Variants in C4orf50 observed in about 807,000 individuals in gnomAD.
C4orf50 encodes uncharacterized protein C4orf50.
C4orf50 carries 80 observed loss-of-function variants against 77.2 expected under a neutral mutation model. That is an observed-to-expected ratio of 1.04 (90% CI 0.87 to 1.25). C4orf50 has a LOEUF of 1.25. C4orf50 is among the 50% of genes most tolerant of loss of function. C4orf50 has a pLI of 0.00. For missense variants in C4orf50, 1,257 were observed against 1,152.9 expected (o/e 1.09, Z -1.31); for synonymous variants, 532 against 465.3 (o/e 1.14, Z -1.84).
At chr4:5,973,035 C>T (rs1720024292) in intron 31 of C4orf50, among the ~76,000 whole-genome samples, 1 of 152,238 alleles carries the variant, frequency 6.6e-6, no homozygotes, top group Non-Finnish European at 1.5e-5. Flanking sequence ...ATTCAACCAA[C>T]ATTCTTCCAG....
exon 28 of C4orf50, chr4:5,989,937 C>T (rs1721158682): frequency 7.0e-7 from 1 of 1,425,884 alleles, no homozygotes; most frequent in Non-Finnish European, 9.1e-7. Context: ...GGTTTTCCTC[C>T]TTGCCCCTAG....
intron 7 of C4orf50, among the ~76,000 whole-genome samples, chr4:5,941,772 A>C (rs1052755894): frequency 6.6e-6 from 1 of 151,964 alleles, no homozygotes; most frequent in African/African-American, 2.4e-5. Flanking sequence ...AAACTCACTC[A>C]AGGTCACACA....
intron 25 of C4orf50, among the ~76,000 whole-genome samples, chr4:6,003,836 GTGATAGTGA>G (rs1721986866): frequency 4.8e-4 from 2 of 4,178 alleles, no homozygotes; most frequent in Non-Finnish European, 9.3e-4. Context: ...TGGTGATGAT[GTGATAGTGA>G]TGATGGTGAT....
chr4:5,962,642 C>T (rs1407832953), intron 33 of C4orf50, among the ~76,000 whole-genome samples: 2 of 152,220 alleles, frequency 1.3e-5, no homozygotes, highest in Non-Finnish European at 2.9e-5. Flanking sequence ...GCTCCGGAGC[C>T]AGGTGCCCCT....
intron 25 of C4orf50, among the ~76,000 whole-genome samples, chr4:6,002,042 C>T (rs1192088908): frequency 2.6e-5 from 4 of 152,172 alleles, no homozygotes; most frequent in African/African-American, 9.7e-5. Context: ...ATTGTGCCTT[C>T]CCAAAAGAAA....
chr4:5,939,420 CCTT>C lies in C4orf50; in HGVS notation c.*2474+17478_*2474+17480del, dbSNP rs559822960. On this transcript the variant is annotated intron_variant, in intron 7 of 7. Coordinates refer to the C4orf50 transcript ENST00000324058. ...ATGGTCTCCCTAAACTACAAGAAGT[CCTT>C]CTCTATTTGAAACTCCCCCTTGGCT... 1.7e-3 allele frequency among the ~76,000 whole-genome samples: 258 copies of C among 152,248 alleles called. 1 individual carries two copies. Among genetic ancestry groups the C allele is most frequent in the African/African-American group, 6.0e-3 (250 of 41,556 alleles).
intron 32 of C4orf50, among the ~76,000 whole-genome samples, chr4:5,966,007 C>G (rs1383763564): frequency 1.3e-5 from 2 of 152,220 alleles, no homozygotes; most frequent in African/African-American, 4.8e-5. Flanking sequence ...CCAAACACAA[C>G]ACTAAACAGA....
chr4:5,990,129 G>A (rs1577973552), exon 28 of C4orf50: 32 of 1,269,892 alleles, frequency 2.5e-5, no homozygotes, highest in East Asian at 1.2e-4. Flanking sequence ...TCAGGGATTC[G>A]GGACCCTCCT....
At chr4:5,947,525 G>A (rs1291006817) in intron 7 of C4orf50, among the ~76,000 whole-genome samples, 2 of 152,100 alleles carry the variant, frequency 1.3e-5, no homozygotes, top group African/African-American at 2.4e-5. Flanking sequence ...ATGCAGCCAC[G>A]TGCAGAATGC....
At chr4:5,989,371 G>A (rs1721112916) in exon 28 of C4orf50, 1 of 1,536,058 alleles carries the variant, frequency 6.5e-7, no homozygotes, top group East Asian at 2.4e-5. Context: ...TGGGTTACCA[G>A]GAACTTCGCT....
intron 25 of C4orf50, among the ~76,000 whole-genome samples, chr4:5,995,517 A>ACACT (rs1491031285): frequency 7.0e-6 from 1 of 142,238 alleles, no homozygotes; most frequent in African/African-American, 2.6e-5. Context: ...ACACACACAC[A>ACACT]CTCAGCTGTC....
chr4:6,006,903 G>T (rs1347294398), intron 25 of C4orf50, among the ~76,000 whole-genome samples: 2 of 152,226 alleles, frequency 1.3e-5, no homozygotes, highest in Non-Finnish European at 2.9e-5. Context: ...GCACAGAATT[G>T]CCACCAGGGT....
chr4:5,987,615 G>C (rs559868487), intron 28 of C4orf50, among the ~76,000 whole-genome samples: 1 of 151,666 alleles, frequency 6.6e-6, no homozygotes, highest in East Asian at 1.9e-4. Flanking sequence ...GAAGGCAGGA[G>C]GGGGAGAGCA....
rs183529051 is a variant in C4orf50 at position 5,992,256 on chromosome 4, C to G, written c.1221+547G>C. Among the ~76,000 whole-genome samples, 2 of 152,328 alleles carry G rather than the reference C, an allele frequency of 1.3e-5. No homozygotes were observed. Among genetic ancestry groups the G allele is most frequent in the African/African-American group, 2.4e-5 (1 of 41,574 alleles). ...GAGGGCCTCTCTATTTACAACCACA[C>G]AACCACAGCCGGGCTCGCGGGTCCC... On this transcript the variant is annotated intron_variant, in intron 27 of 33. Transcript: ENST00000531445. The surrounding 1 kb of genome is among the most constrained non-coding windows in gnomAD (Gnocchi z 5.0).
At position 5,916,435 on chromosome 4, in the gene C4orf50, C is replaced by G. The variant is rs1048190257; in HGVS notation, c.*2475-18247G>C. On this transcript the variant is annotated intron_variant, in intron 7 of 7. Transcript: ENST00000324058. The surrounding 1 kb of genome is among the most constrained non-coding windows in gnomAD (Gnocchi z 4.4). ...CAGGACCTGCCCCCAGAGCTCAGACCCCAGGCACTGGGTTGTTTTCCCTCA... is the reference window on the plus strand; with the variant it reads ...CAGGACCTGCCCCCAGAGCTCAGACGCCAGGCACTGGGTTGTTTTCCCTCA... Among the ~76,000 whole-genome samples, 1 of 152,094 alleles carries G rather than the reference C, an allele frequency of 6.6e-6. No individual in the cohort carries two copies. The highest frequency in any genetic ancestry group is 2.4e-5 in the African/African-American group (1 of 41,406).
chr4:5,948,287 T>C (rs535824306), intron 7 of C4orf50, among the ~76,000 whole-genome samples: 4 of 152,198 alleles, frequency 2.6e-5, no homozygotes, highest in Non-Finnish European at 5.9e-5. Context: ...GATGAAAGAA[T>C]GGTATTATAG....
At chr4:5,960,686 A>C (rs1171342371) in intron 33 of C4orf50, among the ~76,000 whole-genome samples, 1 of 152,184 alleles carries the variant, frequency 6.6e-6, no homozygotes, top group Non-Finnish European at 1.5e-5. Flanking sequence ...GTGCTGATGA[A>C]GCCTCCAGGA....
intron 7 of C4orf50, among the ~76,000 whole-genome samples, chr4:5,906,235 G>A (rs1340151585): frequency 1.3e-5 from 2 of 151,852 alleles, no homozygotes; most frequent in African/African-American, 4.8e-5. Context: ...AAGTGGGGGG[G>A]CGGGGACTCC....
At chr4:5,902,321 T>C (rs1201338441) in intron 7 of C4orf50, 2 of 152,200 alleles carry the variant, frequency 1.3e-5, no homozygotes, top group African/African-American at 4.8e-5. Context: ...ACAGTGATAT[T>C]TTCCCCACTA....
Sources: allele counts gnomAD v4.1 joint callset (sites outside exome capture counted in the v4.1 genomes callset), GRCh38; gene constraint gnomAD v4.1.1; non-coding constraint Gnocchi (gnomAD v3.1); transcripts MANE v1.5; gene names NCBI Gene and HGNC (gene_info 2026-07-23, HGNC 2026-07-21).